Variants in EYS observed in about 807,000 individuals in gnomAD.
EYS encodes the protein EGF-like photoreceptor maintenance factor.
EYS carries 250 observed loss-of-function variants against 282.1 expected under a neutral mutation model. The observed-to-expected ratio is 0.89, with a 90% CI of 0.80 to 0.98. The LOEUF is 0.98. Among genes scored for constraint, EYS ranks in the 50% least tolerant of loss-of-function variants. The pLI is 0.00. For synonymous variants in EYS, 1,355 were observed against 1,282.9 expected, an observed-to-expected ratio of 1.06 and a Z score of -1.20; for missense variants, 4,016 against 3,709.0, an observed-to-expected ratio of 1.08 and a Z score of -2.15.
chr6:64,876,379 T>C (rs1469805830), intron 19 of EYS, among the ~76,000 whole-genome samples: 1 of 152,146 alleles, frequency 6.6e-6, no homozygotes, highest in East Asian at 1.9e-4. Flanking sequence ...TATGAAAAAC[T>C]ATAATCACTA....
intron 33 of EYS, among the ~76,000 whole-genome samples, chr6:64,063,725 T>C (rs981629573): frequency 5.9e-5 from 9 of 151,878 alleles, no homozygotes; most frequent in African/African-American, 2.2e-4. Context: ...AGCATAGGGT[T>C]TTGTTTTATT....
chr6:65,669,005 T>C (rs1768290179), intron 1 of EYS, among the ~76,000 whole-genome samples: 1 of 152,000 alleles, frequency 6.6e-6, no homozygotes, highest in Admixed American at 6.6e-5. Flanking sequence ...TTAGTACCTA[T>C]ACAGTTATAA....
chr6:65,558,692 A>G (rs1768913828), intron 2 of EYS, among the ~76,000 whole-genome samples: 1 of 152,214 alleles, frequency 6.6e-6, no homozygotes, highest in Non-Finnish European at 1.5e-5. Flanking sequence ...GATATAGCAA[A>G]AAGAAAAATG....
chr6:64,448,642 C>A (rs1043023008), intron 26 of EYS, among the ~76,000 whole-genome samples: 2 of 152,170 alleles, frequency 1.3e-5, no homozygotes, highest in Non-Finnish European at 2.9e-5. Context: ...CAGCCGGGTA[C>A]TCCTCTGAGA....
rs547655385 is a variant in EYS, at chr6:64,384,168, CTAAT to C, written c.6078+4518_6078+4521del. On this transcript the variant is annotated intron_variant, in intron 29 of 42. Transcript: ENST00000503581. ...TTTTTATAAAAGTGAATGGAGCAAA[CTAAT>C]TATTGACTTTGTAAGTCAATGTCTT... Among the ~76,000 whole-genome samples the C allele has an allele frequency of 2.5e-3, 385 of 152,232 alleles. 2 individuals carry two copies. The highest frequency in any genetic ancestry group is 8.8e-3 in the African/African-American group (364 of 41,538).
At chr6:64,741,908 G>C (rs113631054) in intron 22 of EYS, among the ~76,000 whole-genome samples, 101 of 152,220 alleles carry the variant, frequency 6.6e-4, no homozygotes, top group African/African-American at 2.3e-3. Flanking sequence ...TTCTTCCTAG[G>C]AGCAATGAGG....
At chr6:65,289,163 A>G (rs1052932388) in intron 12 of EYS, among the ~76,000 whole-genome samples, 1 of 151,094 alleles carries the variant, frequency 6.6e-6, no homozygotes, top group Non-Finnish European at 1.5e-5. Flanking sequence ...TTAAATAAGA[A>G]AATATGTTTA....
intron 22 of EYS, among the ~76,000 whole-genome samples, chr6:64,734,758 G>A (rs1263756653): frequency 6.6e-6 from 1 of 152,012 alleles, no homozygotes; most frequent in Non-Finnish European, 1.5e-5. Context: ...ATGTTCACAC[G>A]GACAGGAAGG....
intron 13 of EYS, among the ~76,000 whole-genome samples, chr6:65,030,275 T>G (rs1336350991): frequency 3.3e-5 from 5 of 152,106 alleles, no homozygotes; most frequent in Non-Finnish European, 7.4e-5. Flanking sequence ...CAGTGTCAGA[T>G]GCCCAACCAG....
rs1199858389 is a variant in EYS at position 64,591,284 on chromosome 6, G to A, written c.4583C>T (p.Ala1528Val). ...CTGGTTGCTTGAAGCCTCAGTAATA[G>A]CCTGATATTCACTGGGATTGAAGGC... ...TKAFNPSEYQ[A>V]ITEASSNQRL... Residue 1528 changes from alanine to valine, a missense_variant, in exon 26 of 43, where the codon GCT becomes GTT. Transcript: ENST00000503581. The A allele has an allele frequency of 1.3e-6, 2 of 1,551,324 alleles. No individual in the cohort carries two copies. Among genetic ancestry groups the A allele is most frequent in the Non-Finnish European group, 1.7e-6 (2 of 1,146,752 alleles).
chr6:65,449,461 A>G (rs1304641147), intron 5 of EYS, among the ~76,000 whole-genome samples: 1 of 152,054 alleles, frequency 6.6e-6, no homozygotes, highest in Non-Finnish European at 1.5e-5. Context: ...AACCTTATAA[A>G]TTTCTATTGA....
chr6:64,881,312 T>G (rs1766911710), intron 19 of EYS, among the ~76,000 whole-genome samples: 1 of 151,832 alleles, frequency 6.6e-6, no homozygotes, highest in Admixed American at 6.6e-5. Context: ...TTGATTGTAG[T>G]GGCAGGAGAC....
intron 22 of EYS, among the ~76,000 whole-genome samples, chr6:64,701,214 A>G (rs1770776122): frequency 6.6e-6 from 1 of 152,140 alleles, no homozygotes; most frequent in African/African-American, 2.4e-5. Flanking sequence ...ATGTACAAAA[A>G]TTAACTTAAG....
chr6:65,510,466 G>C lies in EYS; in HGVS notation c.-332-14473C>G, dbSNP rs577016167. On this transcript the variant is annotated intron_variant, in intron 2 of 42. Transcript: ENST00000503581. ...AATAGGTCTCTCAGCAAGGTGAAAT[G>C]GGATATACATTTTTAAAACTTCAAA... 6.4e-4 allele frequency among the ~76,000 whole-genome samples: 98 copies of C among 152,052 alleles called. 1 individual carries two copies. In the Middle Eastern group the frequency reaches 0.01, roughly 16 times the overall value.
intron 12 of EYS, among the ~76,000 whole-genome samples, chr6:65,176,072 TTGTA>T (rs1400705812): frequency 6.6e-6 from 1 of 151,374 alleles, no homozygotes; most frequent in Non-Finnish European, 1.5e-5. Flanking sequence ...AAGTGTGTGT[TTGTA>T]TGTGTGTGTG....
intron 32 of EYS, among the ~76,000 whole-genome samples, chr6:64,069,420 T>A (rs1771490624): frequency 1.3e-5 from 2 of 152,062 alleles, no homozygotes; most frequent in African/African-American, 2.4e-5. Context: ...TCTATTGTTT[T>A]TATCAGTATA....
intron 19 of EYS, among the ~76,000 whole-genome samples, chr6:64,849,026 C>T (rs1042526275): frequency 1.3e-5 from 2 of 152,046 alleles, no homozygotes; most frequent in Non-Finnish European, 2.9e-5. Context: ...TTAAAATAAT[C>T]CCTAAATAAT....
chr6:65,216,901 T>G (rs531170132), intron 12 of EYS, among the ~76,000 whole-genome samples: 2 of 151,984 alleles, frequency 1.3e-5, no homozygotes, highest in Non-Finnish European at 2.9e-5. Context: ...CTAATTCCAT[T>G]AACATGCAAA....
At chr6:64,023,038 T>C (rs1582149187) in intron 33 of EYS, among the ~76,000 whole-genome samples, 1 of 152,232 alleles carries the variant, frequency 6.6e-6, no homozygotes, top group Non-Finnish European at 1.5e-5. Context: ...CTGGTAACCT[T>C]TGATTAATTT....
Sources: gnomAD v4.1 joint callset for allele counts (sites outside exome capture counted in the v4.1 genomes callset) on GRCh38, gnomAD v4.1.1 for gene constraint, MANE v1.5 for transcripts, NCBI Gene and HGNC (gene_info 2026-07-23, HGNC 2026-07-21) for gene names.